IGSF10: variants seen among roughly 807,000 people sequenced by gnomAD.
IGSF10 encodes the protein immunoglobulin superfamily member 10.
IGSF10 carries 126 observed loss-of-function variants against 128.2 expected under a neutral mutation model. The observed-to-expected ratio is 0.98, with a 90% CI of 0.85 to 1.14. The LOEUF (loss-of-function observed/expected upper bound fraction) is 1.14. Ranked by LOEUF, IGSF10 falls within the 50% of genes most tolerant of loss-of-function variation. The probability of loss-of-function intolerance (pLI) is 0.00; values close to 1 mark genes in which losing one functional copy is unlikely to be tolerated. For synonymous variants in IGSF10, 1,185 were observed against 1,146.2 expected (o/e 1.03, Z -0.68); for missense variants, 3,295 against 3,149.8 (o/e 1.05, Z -1.10).
chr3:151,489,925 T>A, the IGSF10 span, among the ~76,000 whole-genome samples: 6 of 152,150 alleles, frequency 3.9e-5, no homozygotes, highest in African/African-American at 1.4e-4. Context: ...ACCTATGTAA[T>A]GAACCTGCAC....
chr3:151,470,891 TATGA>T, the IGSF10 span, among the ~76,000 whole-genome samples: 2 of 152,208 alleles, frequency 1.3e-5, no homozygotes, highest in African/African-American at 4.8e-5. Flanking sequence ...ACTAACATCT[TATGA>T]ATTACTTCTC....
the IGSF10 span, among the ~76,000 whole-genome samples, chr3:151,564,965 C>T: frequency 6.6e-6 from 1 of 152,218 alleles, no homozygotes; most frequent in South Asian, 2.1e-4. Flanking sequence ...TTGTAACAAG[C>T]CTAGGAAGTA....
rs369808974 is a variant in IGSF10 at position 151,443,696 on chromosome 3, G to A, written c.5251C>T (p.Arg1751Cys). The change falls in exon 7 of 8, where the codon CGT becomes TGT. Residue 1751 changes from arginine (R) to cysteine (C), a missense_variant. By Grantham distance (180) the Arg-to-Cys change is radical (BLOSUM62 -3). Transcript: ENST00000282466. ...GAATGAACTGTGATCTCTTTGGTAC[G>A]TCTCTCCAGGATCCTGGGAGGATAG... is the stretch of plus-strand genomic sequence containing the variant. ...VSYPPRILER[R>C]TKEITVHSGS... The A allele has an allele frequency of 6.2e-6, 10 of 1,614,050 alleles. No homozygotes were observed. The highest frequency in any genetic ancestry group is 5.3e-5 in the African/African-American group (4 of 74,920).
At chr3:151,545,076 G>C in the IGSF10 span, among the ~76,000 whole-genome samples, 4 of 152,014 alleles carry the variant, frequency 2.6e-5, no homozygotes, top group African/African-American at 9.7e-5. Context: ...ATAGCCTTTT[G>C]TTATTGTTTC....
chr3:151,453,983 A>C (rs1721650947), intron 4 of IGSF10, among the ~76,000 whole-genome samples: 1 of 151,508 alleles, frequency 6.6e-6, no homozygotes, highest in African/African-American at 2.4e-5. Context: ...TATTTATATT[A>C]AGGAATGAGA....
At chr3:151,553,583 C>T in the IGSF10 span, among the ~76,000 whole-genome samples, 11 of 151,538 alleles carry the variant, frequency 7.3e-5, no homozygotes, top group Admixed American at 7.2e-4. Context: ...TCATGACTTC[C>T]ACTTTCTTTC....
chr3:151,585,896 A>G, the IGSF10 span, among the ~76,000 whole-genome samples: 1 of 152,158 alleles, frequency 6.6e-6, no homozygotes, highest in Non-Finnish European at 1.5e-5. Context: ...GCAATTCAGA[A>G]TTACAAGCAT....
At chr3:151,543,428 G>A in the IGSF10 span, among the ~76,000 whole-genome samples, 1 of 152,120 alleles carries the variant, frequency 6.6e-6, no homozygotes, top group African/African-American at 2.4e-5. Flanking sequence ...CTGCACAGCT[G>A]GCTCTCCCTT....
the IGSF10 span, among the ~76,000 whole-genome samples, chr3:151,576,524 C>G: frequency 6.6e-6 from 1 of 152,062 alleles, no homozygotes; most frequent in Non-Finnish European, 1.5e-5. Flanking sequence ...ACAGACAATT[C>G]GTTTGGTCTC....
the IGSF10 span, among the ~76,000 whole-genome samples, chr3:151,603,671 G>A: frequency 5.9e-5 from 9 of 152,206 alleles, no homozygotes; most frequent in African/African-American, 2.2e-4. Flanking sequence ...GATCTACAGT[G>A]TGAGTTGGCA....
chr3:151,536,050 G>A, the IGSF10 span, among the ~76,000 whole-genome samples: 10 of 152,118 alleles, frequency 6.6e-5, no homozygotes, highest in Non-Finnish European at 1.3e-4. Flanking sequence ...GCAATTTCTA[G>A]GTTGGCTAGG....
the IGSF10 span, among the ~76,000 whole-genome samples, chr3:151,619,787 A>G: frequency 6.6e-6 from 1 of 152,144 alleles, no homozygotes; most frequent in East Asian, 1.9e-4. Flanking sequence ...ATGGATTACT[A>G]TATTAATGGG....
At chr3:151,530,842 G>A in the IGSF10 span, among the ~76,000 whole-genome samples, 1 of 152,014 alleles carries the variant, frequency 6.6e-6, no homozygotes, top group Non-Finnish European at 1.5e-5. Flanking sequence ...TCATAATGAC[G>A]GGATCCAATT....
At chr3:151,525,987 G>A in the IGSF10 span, among the ~76,000 whole-genome samples, 2 of 152,150 alleles carry the variant, frequency 1.3e-5, no homozygotes, top group African/African-American at 4.8e-5. Context: ...CGGGGAGCGG[G>A]AATCTCAAAG....
the IGSF10 span, among the ~76,000 whole-genome samples, chr3:151,537,904 C>G: frequency 6.6e-6 from 1 of 152,134 alleles, no homozygotes; most frequent in Non-Finnish European, 1.5e-5. Flanking sequence ...TATAGACATA[C>G]GTTCTTTCTG....
chr3:151,442,717 G>A (rs1720934363), intron 7 of IGSF10, among the ~76,000 whole-genome samples: 1 of 152,020 alleles, frequency 6.6e-6, no homozygotes, highest in Non-Finnish European at 1.5e-5. Context: ...ACTGTGCCAA[G>A]TATGGAGATA....
chr3:151,505,474 A>C, the IGSF10 span, among the ~76,000 whole-genome samples: 1 of 152,232 alleles, frequency 6.6e-6, no homozygotes, highest in African/African-American at 2.4e-5. Flanking sequence ...TGAGGAAAAA[A>C]ATCATTGACT....
chr3:151,617,320 C>CTTCTTCTTCTTCTTCTCCTCCTCCT, the IGSF10 span, among the ~76,000 whole-genome samples: 2 of 83,630 alleles, frequency 2.4e-5, no homozygotes, highest in Admixed American at 1.3e-4. Flanking sequence ...CTTCTTCTTC[C>CTTCTTCTTCTTCTTCTCCTCCTCCT]CCTCCTCCTC....
At chr3:151,572,179 C>G in the IGSF10 span, among the ~76,000 whole-genome samples, 6 of 152,130 alleles carry the variant, frequency 3.9e-5, no homozygotes, top group African/African-American at 1.4e-4. Flanking sequence ...GTCTAAAATA[C>G]TCTTTTTTTG....
Sources: allele counts gnomAD v4.1 joint callset (sites outside exome capture counted in the v4.1 genomes callset), GRCh38; gene constraint gnomAD v4.1.1; transcripts MANE v1.5; gene names NCBI Gene and HGNC (gene_info 2026-07-23, HGNC 2026-07-21).